LUZP1: variants seen among roughly 807,000 people sequenced by gnomAD.
The protein encoded by LUZP1 is leucine zipper protein 1, also known as filamin mechanobinding actin cross-linking protein.
A neutral mutation model predicts 71.3 loss-of-function variants in LUZP1; 25 were observed. The observed-to-expected ratio is 0.35, with a 90% CI of 0.26 to 0.49. LUZP1 has a LOEUF of 0.49. Among genes scored for constraint, LUZP1 ranks in the 20% least tolerant of loss-of-function variants. The probability of loss-of-function intolerance (pLI) is 0.99; values close to 1 mark genes in which losing one functional copy is unlikely to be tolerated. For missense variants in LUZP1, 1,142 were observed against 1,300.8 expected, an observed-to-expected ratio of 0.88 and a Z score of 1.88; for synonymous variants, 481 against 506.4, an observed-to-expected ratio of 0.95 and a Z score of 0.67.
chr1:23,085,258 TAAC>T (rs1183793764), exon 5 of LUZP1: 3 of 152,602 alleles, frequency 2.0e-5, no homozygotes, highest in Admixed American at 1.3e-4. Context: ...TATAATGCAA[TAAC>T]AGTTTATTTG....
chr1:23,155,965 C>T (rs1454100409), intron 2 of LUZP1, among the ~76,000 whole-genome samples: 1 of 152,174 alleles, frequency 6.6e-6, no homozygotes, highest in African/African-American at 2.4e-5. Context: ...GTTAACGTTA[C>T]CAGTTAACTT....
intron 1 of LUZP1, among the ~76,000 whole-genome samples, chr1:23,176,129 T>C (rs1245093274): frequency 6.6e-6 from 1 of 151,530 alleles, no homozygotes; most frequent in African/African-American, 2.4e-5. Context: ...TGGTATGATC[T>C]GGGCTCACTG....
At chr1:23,139,094 T>C (rs529892253) in intron 2 of LUZP1, among the ~76,000 whole-genome samples, 1 of 143,212 alleles carries the variant, frequency 7.0e-6, no homozygotes, top group East Asian at 2.0e-4. Flanking sequence ...TGTATATATA[T>C]AGATTATATA....
At chr1:23,128,428 T>C (rs1234685708) in intron 2 of LUZP1, among the ~76,000 whole-genome samples, 1 of 152,228 alleles carries the variant, frequency 6.6e-6, no homozygotes, top group Non-Finnish European at 1.5e-5. Flanking sequence ...AATCATGCTC[T>C]AAAGTTCAAA....
At chr1:23,091,925 C>G (rs775461037) in exon 4 of LUZP1, 11 of 1,614,168 alleles carry the variant, frequency 6.8e-6, no homozygotes, top group Non-Finnish European at 8.5e-6. Context: ...GTTTCTGTTT[C>G]TCCAACGTAG....
intron 2 of LUZP1, among the ~76,000 whole-genome samples, chr1:23,132,426 C>T (rs1346666803): frequency 2.0e-5 from 3 of 151,758 alleles, no homozygotes; most frequent in Admixed American, 1.3e-4. Context: ...CTGTTTATGT[C>T]AGGAGACCAC....
In LUZP1 at chr1:23,124,653, A is replaced by T. The variant is rs371943241; in HGVS notation, c.-225-15526T>A. Among the ~76,000 whole-genome samples the T allele has an allele frequency of 3.9e-5, 6 of 152,298 alleles. No individual in the cohort carries two copies. In the East Asian group the frequency reaches 1.2e-3, roughly 29 times the overall value. ...CCACTACACAGGTGAAGTCAAAAAC[A>T]ATCGACTACTAGAATGGAAAGACTA... On this transcript the variant is annotated intron_variant, in intron 2 of 4. Coordinates refer to ENST00000302291, the Ensembl canonical transcript of LUZP1.
chr1:23,098,750 C>G (rs1643909833), intron 3 of LUZP1, among the ~76,000 whole-genome samples: 2 of 152,152 alleles, frequency 1.3e-5, no homozygotes, highest in Admixed American at 1.3e-4. Context: ...AAAACAGCCA[C>G]CACTGGAGAG....
intron 2 of LUZP1, among the ~76,000 whole-genome samples, chr1:23,137,569 A>G (rs1644265053): frequency 6.6e-6 from 1 of 152,136 alleles, no homozygotes; most frequent in Non-Finnish European, 1.5e-5. Flanking sequence ...TGAACTCGGA[A>G]GGCAGAGGTT....
chr1:23,115,986 AG>A (rs1335851337), intron 2 of LUZP1, among the ~76,000 whole-genome samples: 1 of 152,228 alleles, frequency 6.6e-6, no homozygotes, highest in African/African-American at 2.4e-5. Context: ...CAGTGCCTAA[AG>A]CCTGTAATTC....
chr1:23,157,026 A>C (rs1644425217), intron 2 of LUZP1, among the ~76,000 whole-genome samples: 1 of 152,274 alleles, frequency 6.6e-6, no homozygotes, highest in Non-Finnish European at 1.5e-5. Context: ...TGGAAATGTC[A>C]CTAAAATAAA....
intron 3 of LUZP1, among the ~76,000 whole-genome samples, chr1:23,101,707 C>A (rs1355236889): frequency 2.0e-5 from 3 of 152,182 alleles, no homozygotes; most frequent in Middle Eastern, 3.2e-3. Context: ...GGTCACTTAT[C>A]TCTGACCTTT....
rs934210239 is a variant in LUZP1, at chr1:23,127,990, G to A, written c.-225-18863C>T. 2.0e-5 allele frequency among the ~76,000 whole-genome samples: 3 copies of A among 152,090 alleles called. No individual in the cohort carries two copies. The East Asian group carries it at 5.8e-4, about 30-fold the overall frequency. On this transcript the variant is annotated intron_variant, in intron 2 of 4. Transcript: ENST00000302291. ...AACTAAAAATACGAAAATTAGCTGGGTGTGGTGGCACGTGCCTGTAATCCC... is the reference window on the plus strand; with the variant it reads ...AACTAAAAATACGAAAATTAGCTGGATGTGGTGGCACGTGCCTGTAATCCC...
intron 3 of LUZP1, among the ~76,000 whole-genome samples, chr1:23,098,973 G>C (rs936234481): frequency 6.6e-6 from 1 of 152,118 alleles, no homozygotes; most frequent in Non-Finnish European, 1.5e-5. Context: ...CAAGCCTTCC[G>C]CTTCCATTCA....
At chr1:23,150,953 C>T (rs1644378620) in intron 2 of LUZP1, among the ~76,000 whole-genome samples, 2 of 152,200 alleles carry the variant, frequency 1.3e-5, no homozygotes, top group Non-Finnish European at 2.9e-5. Flanking sequence ...TTGTGTTCTA[C>T]AAAGGCATAG....
intron 2 of LUZP1, among the ~76,000 whole-genome samples, chr1:23,120,905 C>T (rs1052119766): frequency 6.6e-6 from 1 of 152,224 alleles, no homozygotes; most frequent in African/African-American, 2.4e-5. Flanking sequence ...ACCATCTCCA[C>T]TCCCCTGGCC....
chr1:23,135,492 T>C (rs1249430191), intron 2 of LUZP1, among the ~76,000 whole-genome samples: 1 of 152,206 alleles, frequency 6.6e-6, no homozygotes, highest in Non-Finnish European at 1.5e-5. Context: ...TCCAACATAG[T>C]TGCATATTCT....
chr1:23,095,376 G>T (rs1467899910), intron 3 of LUZP1, among the ~76,000 whole-genome samples: 1 of 152,090 alleles, frequency 6.6e-6, no homozygotes, highest in Non-Finnish European at 1.5e-5. Flanking sequence ...TAAAAATACT[G>T]AATAAAATGT....
Position 23,093,137 on chromosome 1 carries a change from C to T in LUZP1, c.1125G>A (p.Lys375=), listed in dbSNP as rs1025443397. 1 of 1,614,126 alleles carries T rather than the reference C, an allele frequency of 6.2e-7. No individual in the cohort carries two copies. Among genetic ancestry groups the T allele is most frequent in the Admixed American group, 1.7e-5 (1 of 60,022 alleles). The stretch of plus-strand genomic sequence containing the variant: ...AAGCTTCACTTCCGTGGCCTCTAAA[C>T]TTAGTCCTCTCATGTCTGCCTTTGC... The change falls in exon 4 of 5, where the codon AAG becomes AAA. Residue 375 remains lysine, a synonymous_variant. Coordinates refer to ENST00000302291, the Ensembl canonical transcript of LUZP1. This position sits in a 1 kb window ranked among gnomAD's most constrained non-coding sequence, Gnocchi z 4.2.
Sources: gnomAD v4.1 joint callset for allele counts (sites outside exome capture counted in the v4.1 genomes callset) on GRCh38, gnomAD v4.1.1 for gene constraint, Gnocchi (gnomAD v3.1) non-coding constraint, MANE v1.5 for transcripts, NCBI Gene and HGNC (gene_info 2026-07-23, HGNC 2026-07-21) for gene names.